BCLAF3: variants seen among roughly 807,000 people sequenced by gnomAD.
The protein encoded by BCLAF3 is transient octamer binding factor 1.
Under a neutral mutation model 51.2 loss-of-function variants are expected in BCLAF3, and 24 were observed. That is an observed-to-expected ratio of 0.47 (90% confidence interval 0.34 to 0.66). The LOEUF (loss-of-function observed/expected upper bound fraction) is 0.66. Among genes scored for constraint, BCLAF3 ranks in the 30% least tolerant of loss-of-function variants. BCLAF3 has a pLI of 0.01. For synonymous variants in BCLAF3, 152 were observed against 176.6 expected (o/e 0.86, Z 1.10); for missense variants, 465 against 525.1 (o/e 0.89, Z 1.12).
At chrX:19,988,438 G>C in intron 1 of BCLAF3, among the ~76,000 whole-genome samples, 1 of 111,378 alleles carries the variant, frequency 9.0e-6, no homozygotes, top group African/African-American at 3.3e-5. Context: ...AAAAATGTAT[G>C]AACCTCAAGA....
rs1161396226 is a variant in BCLAF3, at chrX:19,912,982, G to GT, written c.*4322dup. The GT allele has an allele frequency of 8.9e-6, 1 of 112,275 alleles. No individual in the cohort carries two copies. The highest frequency in any genetic ancestry group is 1.9e-5 in the Non-Finnish European group (1 of 53,287). 9.3% of individuals were successfully genotyped at this position (112,275 alleles called of 1,213,427 possible). ...AAAAAATCAACAGTGTTAACAGTGGGTGGGTATGTTTCCAGACCTCTCAAT... is the reference window on the plus strand; with the variant it reads ...AAAAAATCAACAGTGTTAACAGTGGGTTGGGTATGTTTCCAGACCTCTCAAT... On this transcript the variant is annotated 3_prime_UTR_variant, in exon 12 of 12. Transcript: ENST00000379682.
intron 11 of BCLAF3, among the ~76,000 whole-genome samples, chrX:19,922,174 G>A (rs1011181865): frequency 1.0e-4 from 11 of 110,411 alleles, no homozygotes; most frequent in African/African-American, 2.0e-4. Context: ...TCAGGAGTTC[G>A]AGACCTGGAC....
At chrX:19,960,928 T>G (rs1027750399) in intron 4 of BCLAF3, among the ~76,000 whole-genome samples, 2 of 112,318 alleles carry the variant, frequency 1.8e-5, no homozygotes, top group Admixed American at 1.9e-4. Flanking sequence ...CTGATAGCCA[T>G]GAATGCTGAT....
intron 8 of BCLAF3, among the ~76,000 whole-genome samples, chrX:19,939,486 C>T (rs1464256701): frequency 8.9e-6 from 1 of 111,810 alleles, no homozygotes; most frequent in Non-Finnish European, 1.9e-5. Flanking sequence ...CAAAGACATA[C>T]CAATGGCCAA....
rs1256267406 is a variant in BCLAF3, at chrX:19,916,918, A to G, written c.*387T>C. The G allele has an allele frequency of 1.3e-5, 2 of 148,775 alleles. No homozygotes were observed. The highest frequency in any genetic ancestry group is 6.4e-5 in the African/African-American group (2 of 31,496). 12.3% of individuals were successfully genotyped at this position (148,775 alleles called of 1,213,427 possible). On this transcript the variant is annotated 3_prime_UTR_variant, in exon 12 of 12. Coordinates refer to ENST00000379682, the MANE Select transcript of BCLAF3 (RefSeq NM_001367774.2). Reference sequence around the variant, plus strand: ...CTGTTTAAAGTTCTTTCATGTAAAGACACTATACAATTCAGACACTTGTTT... The same window carrying G: ...CTGTTTAAAGTTCTTTCATGTAAAGGCACTATACAATTCAGACACTTGTTT...
intron 2 of BCLAF3, among the ~76,000 whole-genome samples, chrX:19,969,116 A>G (rs1377162756): frequency 8.9e-6 from 1 of 111,844 alleles, no homozygotes; most frequent in Non-Finnish European, 1.9e-5. Flanking sequence ...CCATCTCAAA[A>G]CAAAATAAAA....
At chrX:19,951,615 C>G (rs866386228) in intron 7 of BCLAF3, among the ~76,000 whole-genome samples, 1 of 74,341 alleles carries the variant, frequency 1.3e-5, no homozygotes, top group Non-Finnish European at 2.4e-5. Context: ...AAAAAAGAAA[C>G]AAACAAAAAA....
At chrX:19,950,988 G>A in intron 7 of BCLAF3, 120 bp from the exon 8 acceptor site, 1 of 413,494 alleles carries the variant, frequency 2.4e-6, no homozygotes, top group Admixed American at 4.2e-5. Flanking sequence ...TCCTGCTAAT[G>A]GTATTGTAAA....
At chrX:19,981,136 C>T (rs1417280559) in intron 1 of BCLAF3, among the ~76,000 whole-genome samples, 2 of 110,679 alleles carry the variant, frequency 1.8e-5, no homozygotes, top group Non-Finnish European at 3.8e-5. Context: ...AAATCAACAC[C>T]GGGTGCTGAG....
chrX:19,941,783 A>C (rs2071062247), intron 8 of BCLAF3, among the ~76,000 whole-genome samples: 1 of 97,480 alleles, frequency 1.0e-5, no homozygotes, highest in African/African-American at 3.9e-5. Context: ...ATGAACTTTA[A>C]AGTAGTTTTT....
At chrX:19,969,156 T>A (rs2072172548) in intron 2 of BCLAF3, among the ~76,000 whole-genome samples, 1 of 112,451 alleles carries the variant, frequency 8.9e-6, no homozygotes, top group Admixed American at 9.4e-5. Flanking sequence ...ATGACCTCTG[T>A]GATACCCTGT....
intron 1 of BCLAF3, among the ~76,000 whole-genome samples, chrX:19,979,511 T>C (rs1490736079): frequency 9.0e-6 from 1 of 111,316 alleles, no homozygotes; most frequent in Non-Finnish European, 1.9e-5. Context: ...TTTATGTGCA[T>C]CAGGAAACAA....
chrX:19,989,447 G>C (rs926337592), intron 1 of BCLAF3, among the ~76,000 whole-genome samples: 9 of 111,963 alleles, frequency 8.0e-5, no homozygotes. Context: ...AGTGAGCCGA[G>C]ATCGTGCCAC....
chrX:19,937,471 G>C lies in BCLAF3; in HGVS notation c.1807C>G (p.Pro603Ala). Residue 603 changes from proline (P) to alanine (A), a missense_variant, in exon 9 of 12, where the codon CCC becomes GCC. By Grantham distance (27) the Pro-to-Ala change is conservative. Transcript: ENST00000379682. ...KNVHTDGFQK[P>A]THFIKSNFRK... ...AAATTTGATTTTATAAAATGTGTGG[G>C]TTTTTGGAATCCATCAGTATGAACA... is the stretch of plus-strand genomic sequence containing the variant. 8.4e-7 allele frequency: 1 copy of C among 1,187,985 alleles called. No individual in the cohort carries two copies. Among genetic ancestry groups the C allele is most frequent in the Non-Finnish European group, 1.1e-6 (1 of 876,797 alleles).
intron 4 of BCLAF3, among the ~76,000 whole-genome samples, chrX:19,958,753 G>A (rs2071752384): frequency 8.9e-6 from 1 of 112,161 alleles, no homozygotes; most frequent in African/African-American, 3.2e-5. Context: ...TTCAGACAGT[G>A]GCAAAACTGC....
chrX:19,957,926 T>G (rs779322500), intron 4 of BCLAF3, among the ~76,000 whole-genome samples: 2 of 112,119 alleles, frequency 1.8e-5, no homozygotes, highest in Non-Finnish European at 3.8e-5. Context: ...TGTAATCATC[T>G]TTTGGTTCAC....
chrX:19,965,016 TATC>T, intron 4 of BCLAF3, 25 bp downstream of exon 4: 1 of 1,067,117 alleles, frequency 9.4e-7, no homozygotes, highest in Non-Finnish European at 1.3e-6. Flanking sequence ...CATTATTAAA[TATC>T]ATAAAGAAAA....
At chrX:19,960,471 G>A (rs1372910260) in intron 4 of BCLAF3, among the ~76,000 whole-genome samples, 2 of 111,667 alleles carry the variant, frequency 1.8e-5, no homozygotes, top group Non-Finnish European at 3.8e-5. Flanking sequence ...GAGACACCAA[G>A]AGAAGCTAGG....
At chrX:19,925,050 C>T (rs991945366) in intron 11 of BCLAF3, among the ~76,000 whole-genome samples, 5 of 111,549 alleles carry the variant, frequency 4.5e-5, no homozygotes, top group Non-Finnish European at 9.4e-5. Flanking sequence ...ATGACAAGTA[C>T]ATGATGAATG....
Sources: gnomAD v4.1 joint callset for allele counts (sites outside exome capture counted in the v4.1 genomes callset) on GRCh38, gnomAD v4.1.1 for gene constraint, MANE v1.5 for transcripts, NCBI Gene and HGNC (gene_info 2026-07-23, HGNC 2026-07-21) for gene names.